CCDC27: variants seen among roughly 807,000 people sequenced by gnomAD.
CCDC27 encodes coiled-coil domain-containing protein 27.
CCDC27 carries 80 observed loss-of-function variants against 80.3 expected under a neutral mutation model. The observed-to-expected ratio is 1.00, with a 90% confidence interval of 0.83 to 1.20. The LOEUF (loss-of-function observed/expected upper bound fraction) is 1.20, where lower values mean the gene tolerates loss of function less well. CCDC27 is among the 50% of genes most tolerant of loss of function. CCDC27 has a pLI of 0.00. For synonymous variants in CCDC27, 342 were observed against 334.3 expected (o/e 1.02, Z -0.25); for missense variants, 815 against 809.4 (o/e 1.01, Z -0.08).
chr1:3,755,668 C>T (rs545859943), intron 3 of CCDC27, 101 bp downstream of exon 3: 37 of 996,354 alleles, frequency 3.7e-5, no homozygotes, highest in Middle Eastern at 2.9e-4. Context: ...AATTCCCTCC[C>T]GGGACTGTCT....
In CCDC27 at chr1:3,769,965, C is replaced by CCTAGG. The variant is rs370927999; in HGVS notation, c.1848+82_1848+83insGCTAG. ...AGCTGTGGTAGGGGGTTGTGGGGGG[C>CCTAGG]CTAGATTCCAGGGACTCTGTTCTCA... On this transcript the variant is annotated intron_variant, in intron 11 of 11. Coordinates refer to ENST00000294600, the MANE Select transcript of CCDC27 (RefSeq NM_152492.3). The surrounding 1 kb of genome is among the most constrained non-coding windows in gnomAD (Gnocchi z 4.6). 721 of 1,035,860 alleles carry CCTAGG rather than the reference C, an allele frequency of 7.0e-4. 2 individuals are homozygous for CCTAGG. In the African/African-American group the frequency reaches 9.9e-3, roughly 14 times the overall value. 64.2% of individuals were successfully genotyped at this position (1,035,860 alleles called of 1,614,324 possible).
chr1:3,757,601 C>A (rs1028369457), intron 4 of CCDC27, among the ~76,000 whole-genome samples: 1 of 152,042 alleles, frequency 6.6e-6, no homozygotes, highest in African/African-American at 2.4e-5. Context: ...ACCACCACAC[C>A]TGGCTACTTT....
chr1:3,757,444 G>T (rs746342889), intron 4 of CCDC27, among the ~76,000 whole-genome samples: 1 of 151,336 alleles, frequency 6.6e-6, no homozygotes, highest in African/African-American at 2.4e-5. Flanking sequence ...ATTATTAGTA[G>T]TAGTAGTATT....
chr1:3,765,430 C>T (rs550303552), intron 8 of CCDC27, among the ~76,000 whole-genome samples: 22 of 152,308 alleles, frequency 1.4e-4, no homozygotes, highest in African/African-American at 5.3e-4. Context: ...TTATGGCCTT[C>T]TCTCACACTA....
rs1175103705 is a variant in CCDC27 at position 3,763,270 on chromosome 1, G to C, written c.1117G>C (p.Glu373Gln). 1.3e-6 allele frequency: 2 copies of C among 1,586,310 alleles called. No homozygotes were observed. Among genetic ancestry groups the C allele is most frequent in the Non-Finnish European group, 1.7e-6 (2 of 1,165,598 alleles). The change falls in exon 7 of 12, where the codon GAG (glutamate) becomes CAG (glutamine). Residue 373 changes from glutamate to glutamine, a missense_variant. Glu to Gln is a conservative substitution (Grantham distance 29). Coordinates refer to ENST00000294600, the MANE Select transcript of CCDC27 (RefSeq NM_152492.3). This position sits in a 1 kb window ranked among gnomAD's most constrained non-coding sequence, Gnocchi z 7.5. ...GSVHEEGSEEEEEEEGDRDED... is the reference protein window; with the variant it reads ...GSVHEEGSEEQEEEEGDRDED... ...CGTGCATGAGGAGGGAAGCGAGGAG[G>C]AGGAAGAGGAGGAAGGGGACAGGGA...
At position 3,764,217 on chromosome 1, in the gene CCDC27, T is replaced by C. The variant is rs117280032; in HGVS notation, c.1452+381T>C. Reference sequence around the variant, plus strand: ...TCCACTGAGCCCACTCTTGTCGTTTTTGTTAAGCGTTTTAGGTTTTTACTC... The same window carrying C: ...TCCACTGAGCCCACTCTTGTCGTTTCTGTTAAGCGTTTTAGGTTTTTACTC... On this transcript the variant is annotated intron_variant, in intron 8 of 11. Coordinates refer to ENST00000294600, the MANE Select transcript of CCDC27 (RefSeq NM_152492.3). Among the ~76,000 whole-genome samples, 63 of 152,348 alleles carry C rather than the reference T, an allele frequency of 4.1e-4. No homozygotes were observed. In the East Asian group the frequency reaches 0.012, roughly 29 times the overall value.
intron 1 of CCDC27, among the ~76,000 whole-genome samples, chr1:3,753,386 C>T (rs770046226): frequency 2.0e-4 from 29 of 147,652 alleles, no homozygotes; most frequent in African/African-American, 3.0e-4. Flanking sequence ...TGCAATGGCG[C>T]GATCTTGGCT....
Position 3,756,767 on chromosome 1 carries a change from G to A in CCDC27, c.588G>A (p.Glu196=). The A allele has an allele frequency of 6.2e-7, 1 of 1,614,136 alleles. No individual in the cohort carries two copies. The highest frequency in any genetic ancestry group is 8.5e-7 in the Non-Finnish European group (1 of 1,180,020). The change falls in exon 4 of 12, where the codon GAG becomes GAA. Residue 196 remains glutamate, a synonymous_variant. Transcript: ENST00000294600. Reference sequence around the variant, plus strand: ...TTCCCTTCAGTAAGAGCATCTGCGAGTTCGATTACTTGCGGAAGAGGAGAA... The same window carrying A: ...TTCCCTTCAGTAAGAGCATCTGCGAATTCGATTACTTGCGGAAGAGGAGAA... ...YLLPFSKSIC[E]FDYLRKRRKS...
At chr1:3,756,516 G>A (rs1051008480) in intron 3 of CCDC27, 11 of 486,472 alleles carry the variant, frequency 2.3e-5, no homozygotes, top group South Asian at 1.5e-4. Flanking sequence ...CTCAGCACGC[G>A]CTGTGCTGGG....
chr1:3,767,516 C>A (rs910354565), intron 10 of CCDC27, 71 bp downstream of exon 10: 1 of 1,385,836 alleles, frequency 7.2e-7, no homozygotes, highest in Non-Finnish European at 9.8e-7. Context: ...CTCTGCCCAC[C>A]GCCCACCGAG....
intron 4 of CCDC27, chr1:3,757,113 C>T (rs959209084): frequency 1.1e-5 from 5 of 468,050 alleles, no homozygotes; most frequent in Non-Finnish European, 1.9e-5. Flanking sequence ...GCATGGAACT[C>T]AGACTCACCG....
Position 3,763,541 on chromosome 1 carries a change from C to T in CCDC27, c.1321+67C>T. On this transcript the variant is annotated intron_variant, in intron 7 of 11. Transcript: ENST00000294600. The surrounding 1 kb of genome is among the most constrained non-coding windows in gnomAD (Gnocchi z 7.5). ...GGTTCCCGGCCCAGGAGCTGGGACG[C>T]CCAGACGCTGCCTGCTCTGGTCAGT... 2 of 1,548,350 alleles carry T rather than the reference C, an allele frequency of 1.3e-6. No homozygotes were observed. Among genetic ancestry groups the T allele is most frequent in the East Asian group, 2.3e-5 (1 of 44,300 alleles).
At chr1:3,754,981 A>G (rs933849236) in intron 2 of CCDC27, among the ~76,000 whole-genome samples, 3 of 151,904 alleles carry the variant, frequency 2.0e-5, no homozygotes, top group African/African-American at 7.3e-5. Flanking sequence ...CCAGGGCTCC[A>G]GGACCAGGCA....
chr1:3,767,775 G>A (rs575033182), intron 10 of CCDC27, among the ~76,000 whole-genome samples: 63 of 152,368 alleles, frequency 4.1e-4, no homozygotes, highest in African/African-American at 1.5e-3. Flanking sequence ...AGGGAGGCAT[G>A]GTGTTGCCCC....
Position 3,769,030 on chromosome 1 carries a change from C to T in CCDC27, c.1744-753C>T, listed in dbSNP as rs766443418. On this transcript the variant is annotated intron_variant, in intron 10 of 11. Coordinates refer to ENST00000294600, the MANE Select transcript of CCDC27 (RefSeq NM_152492.3). This position sits in a 1 kb window ranked among gnomAD's most constrained non-coding sequence, Gnocchi z 4.6. ...CACTCGGAGGCAAGGCTGAGCCTCT[C>T]GGGCCCAGCTCCTGTGGGGCACCTC... Among the ~76,000 whole-genome samples the T allele has an allele frequency of 1.6e-4, 24 of 152,222 alleles. No homozygotes were observed. The highest frequency in any genetic ancestry group is 2.8e-4 in the Non-Finnish European group (19 of 68,050).
At chr1:3,755,881 GA>G in intron 3 of CCDC27, 1 of 313,458 alleles carries the variant, frequency 3.2e-6, no homozygotes, top group South Asian at 4.7e-5. Flanking sequence ...GACCCCCCGG[GA>G]CACTGCTCCC....
intron 4 of CCDC27, among the ~76,000 whole-genome samples, chr1:3,759,754 C>G (rs144752508): frequency 6.6e-6 from 1 of 152,206 alleles, no homozygotes; most frequent in South Asian, 2.1e-4. Flanking sequence ...TCTACCTGTA[C>G]ATTATTATAG....
rs1643130354 is a variant in CCDC27 at position 3,763,146 on chromosome 1, GC to G, written c.996del (p.Asp333ThrfsTer27). The G allele has an allele frequency of 4.7e-6, 7 of 1,487,870 alleles. No homozygotes were observed. The South Asian group carries it at 8.4e-5, about 18-fold the overall frequency. 92.2% of individuals were successfully genotyped at this position (1,487,870 alleles called of 1,614,324 possible). A position where few individuals can be genotyped will look rare whatever the true frequency, so the allele number is the denominator to read the frequency against. ...CTGCGGCACCGGAGAGGGGCAAGGAGCCCGACCTGGGAGGTGGCGAGGAGGA... is the reference window on the plus strand; with the variant it reads ...CTGCGGCACCGGAGAGGGGCAAGGAGCCGACCTGGGAGGTGGCGAGGAGGA... The part of the protein sequence containing the change: ...ESAAPERGKE[P>X]DLGGGEEDEG... On this transcript the variant is annotated frameshift_variant, in exon 7 of 12. Coordinates refer to ENST00000294600, the MANE Select transcript of CCDC27 (RefSeq NM_152492.3). LOFTEE classifies it high-confidence loss of function. This position sits in a 1 kb window ranked among gnomAD's most constrained non-coding sequence, Gnocchi z 7.5.
rs926307253 is a variant in CCDC27, at chr1:3,755,769, C to A, written c.553+202C>A. ...CTGACAGCATAGGCTGCAGTCCCCC[C>A]AGGACCGTGGCCCCTTGTCTTTAGT... On this transcript the variant is annotated intron_variant, in intron 3 of 11. Coordinates refer to ENST00000294600, the MANE Select transcript of CCDC27 (RefSeq NM_152492.3). The A allele has an allele frequency of 1.6e-5, 9 of 578,398 alleles. No individual in the cohort carries two copies. The Admixed American group carries it at 2.1e-4, about 14-fold the overall frequency. The allele number at this position is 578,398 out of a possible 1,614,324, so 35.8% of individuals were successfully genotyped here. A position where few individuals can be genotyped will look rare whatever the true frequency, so the allele number is the denominator to read the frequency against.
Sources: gnomAD v4.1 joint callset for allele counts (sites outside exome capture counted in the v4.1 genomes callset) on GRCh38, gnomAD v4.1.1 for gene constraint, Gnocchi (gnomAD v3.1) non-coding constraint, MANE v1.5 for transcripts, NCBI Gene and HGNC (gene_info 2026-07-23, HGNC 2026-07-21) for gene names.